The following WDR33 variants were observed in gnomAD, a reference collection of about 807,000 sequenced individuals.
The protein encoded by WDR33 is WD repeat domain 33.
WDR33 carries 47 observed loss-of-function variants against 164.9 expected under a neutral mutation model. The observed-to-expected ratio is 0.29, with a 90% CI of 0.23 to 0.36. The LOEUF (loss-of-function observed/expected upper bound fraction) is 0.36, where lower values mean the gene tolerates loss of function less well. Ranked by LOEUF, WDR33 falls within the 10% of genes least tolerant of loss-of-function variation. The pLI is 1.00. For synonymous variants in WDR33, 505 were observed against 589.0 expected (o/e 0.86, Z 2.06); for missense variants, 1,137 against 1,754.1 (o/e 0.65, Z 6.28).
In WDR33 at chr2:127,709,803, C is replaced by G; in HGVS notation, c.3362G>C (p.Arg1121Thr). Residue 1121 changes from arginine (R) to threonine (T), a missense_variant, in exon 19 of 22, where the codon AGG becomes ACG. Around this residue, in one of 9 missense-constraint regions of WDR33, gnomAD observed 867 missense variants for 1,073.0 expected, o/e 0.81. Transcript: ENST00000322313. The surrounding 1 kb of genome is among the most constrained non-coding windows in gnomAD (Gnocchi z 5.0). ...GTCTTCAGGACCAGGAAAACCATCCCTTCCTCTGGGGGGAGCACGGCCCTC... is the reference window on the plus strand; with the variant it reads ...GTCTTCAGGACCAGGAAAACCATCCGTTCCTCTGGGGGGAGCACGGCCCTC... ...RHEGRAPPRG[R>T]DGFPGPEDFG... is the part of the protein sequence containing the mutation. 1.2e-6 allele frequency: 2 copies of G among 1,614,240 alleles called. No homozygotes were observed. Among genetic ancestry groups the G allele is most frequent in the South Asian group, 2.2e-5 (2 of 91,088 alleles).
At chr2:127,777,806 C>A (rs1688234296) in intron 1 of WDR33, among the ~76,000 whole-genome samples, 1 of 152,054 alleles carries the variant, frequency 6.6e-6, no homozygotes, top group Non-Finnish European at 1.5e-5. Flanking sequence ...AGAGACAGAT[C>A]TTGCTTTGTT....
At position 127,712,169 on chromosome 2, in the gene WDR33, C is replaced by T. The variant is rs541368898; in HGVS notation, c.3308+1414G>A. Among the ~76,000 whole-genome samples, 3 of 151,782 alleles carry T rather than the reference C, an allele frequency of 2.0e-5. No individual in the cohort carries two copies. Among genetic ancestry groups the T allele is most frequent in the African/African-American group, 7.3e-5 (3 of 41,330 alleles). ...CCTGCACTCTGGGGGGGCTGAAGAA[C>T]GTGGATCACTTGAGGTCAGGAGTTC... On this transcript the variant is annotated intron_variant, in intron 18 of 21. Transcript: ENST00000322313. The surrounding 1 kb of genome is among the most constrained non-coding windows in gnomAD (Gnocchi z 4.0).
intron 7 of WDR33, chr2:127,762,696 G>C (rs921984867): frequency 2.0e-6 from 2 of 1,022,898 alleles, no homozygotes; most frequent in Admixed American, 5.3e-5. Context: ...ATTGTAAAAG[G>C]ACTGCCAGGA....
In WDR33 at chr2:127,702,135, C is replaced by T; in HGVS notation, c.*4188G>A. The T allele has an allele frequency of 1.6e-6, 2 of 1,216,274 alleles. No homozygotes were observed. Among genetic ancestry groups the T allele is most frequent in the Non-Finnish European group, 2.0e-6 (2 of 978,782 alleles). 75.3% of individuals were successfully genotyped at this position (1,216,274 alleles called of 1,614,324 possible). ...CGCGCTGCGCCTCGCACTGGGTCGC[C>T]TGGGCCGCGGCGCCGGCCTCGCCAA... is the stretch of plus-strand genomic sequence containing the variant. On this transcript the variant is annotated 3_prime_UTR_variant, in exon 22 of 22. Transcript: ENST00000322313.
chr2:127,712,994 C>A lies in WDR33; in HGVS notation c.3308+589G>T, dbSNP rs543797139. ...CTGTTCTTCAATTCCTGGCCTCAAG[C>A]GATCCTCCTGCCTCAGCCACCCAAA... On this transcript the variant is annotated intron_variant, in intron 18 of 21. Transcript: ENST00000322313. The surrounding 1 kb of genome is among the most constrained non-coding windows in gnomAD (Gnocchi z 4.0). Among the ~76,000 whole-genome samples the A allele has an allele frequency of 3.9e-5, 6 of 152,264 alleles. No homozygotes were observed. The East Asian group carries it at 1.2e-3, about 29-fold the overall frequency.
chr2:127,731,692 T>G (rs1321644929), intron 7 of WDR33, among the ~76,000 whole-genome samples: 3 of 152,320 alleles, frequency 2.0e-5, no homozygotes, highest in East Asian at 1.9e-4. Context: ...AGGACCTTTT[T>G]GGGGGTTTTG....
chr2:127,734,574 T>G (rs115244368), intron 7 of WDR33, among the ~76,000 whole-genome samples: 2 of 152,210 alleles, frequency 1.3e-5, no homozygotes, highest in African/African-American at 4.8e-5. Context: ...TTATGTACTC[T>G]TCCACTTCCA....
At position 127,756,215 on chromosome 2, in the gene WDR33, T is replaced by C. The variant is rs577505669; in HGVS notation, c.724+6847A>G. ...TGGGTCTTGTGGTGCATGCCTGTAG[T>C]CCCAGCTACTCAGGAGGCTGAGACA... is the stretch of plus-strand genomic sequence containing the variant. On this transcript the variant is annotated intron_variant, in intron 7 of 21. Transcript: ENST00000322313. Among the ~76,000 whole-genome samples, 9 of 151,734 alleles carry C rather than the reference T, an allele frequency of 5.9e-5. No individual in the cohort carries two copies. In the South Asian group the frequency reaches 1.9e-3, roughly 32 times the overall value.
In WDR33 at chr2:127,709,684, C is replaced by T. The variant is rs759459906; in HGVS notation, c.3472+9G>A. 6 of 1,614,222 alleles carry T rather than the reference C, an allele frequency of 3.7e-6. No homozygotes were observed. The highest frequency in any genetic ancestry group is 5.1e-6 in the Non-Finnish European group (6 of 1,180,030). On this transcript the variant is annotated intron_variant, in intron 19 of 21. Coordinates refer to ENST00000322313, the MANE Select transcript of WDR33 (RefSeq NM_018383.5). This position sits in a 1 kb window ranked among gnomAD's most constrained non-coding sequence, Gnocchi z 5.0. The stretch of plus-strand genomic sequence containing the variant: ...CTTCCAGACCAGGTGTCTTTAGTAA[C>T]TCGCTCACCTCGTGGGGTACCCCGA...
chr2:127,762,992 T>G (rs975186454), intron 7 of WDR33, 70 bp downstream of exon 7: 1 of 1,608,554 alleles, frequency 6.2e-7, no homozygotes, highest in African/African-American at 1.3e-5. Flanking sequence ...AGTATTGTGG[T>G]TTTGTGATGA....
intron 1 of WDR33, among the ~76,000 whole-genome samples, chr2:127,781,942 G>C (rs956750932): frequency 2.1e-5 from 3 of 145,900 alleles, no homozygotes; most frequent in African/African-American, 7.7e-5. Flanking sequence ...AGGTTGCGGT[G>C]AGCCAAGATT....
chr2:127,771,609 C>A (rs574625174), intron 1 of WDR33, among the ~76,000 whole-genome samples: 1 of 152,040 alleles, frequency 6.6e-6, no homozygotes. Context: ...AGATTCCCAT[C>A]TCTACAAAAA....
Position 127,721,399 on chromosome 2 carries a change from C to T in WDR33, c.1671+437G>A, listed in dbSNP as rs1024093650. Among the ~76,000 whole-genome samples, 1 of 152,120 alleles carries T rather than the reference C, an allele frequency of 6.6e-6. No homozygotes were observed. The highest frequency in any genetic ancestry group is 1.5e-5 in the Non-Finnish European group (1 of 68,020). On this transcript the variant is annotated intron_variant, in intron 15 of 21. Coordinates refer to ENST00000322313, the MANE Select transcript of WDR33 (RefSeq NM_018383.5). The surrounding 1 kb of genome is among the most constrained non-coding windows in gnomAD (Gnocchi z 4.9). ...CTGGGATTACAGGTGTAAGCCACCA[C>T]GCCTGACCCTAATTGGGTTTTAAAA...
chr2:127,719,234 A>T lies in WDR33; in HGVS notation c.2760+31T>A. 3 of 1,393,980 alleles carry T rather than the reference A, an allele frequency of 2.2e-6. No homozygotes were observed. The highest frequency in any genetic ancestry group is 2.8e-6 in the Non-Finnish European group (3 of 1,074,884). The allele number at this position is 1,393,980 out of a possible 1,614,324, so 86.4% of individuals were successfully genotyped here. ...ACTTCTGTGCAGAGTGTATTTTCCC[A>T]ATGTGCCCGTGAGTTGGAAATGAAT... is the stretch of plus-strand genomic sequence containing the variant. On this transcript the variant is annotated intron_variant, in intron 16 of 21. Transcript: ENST00000322313. This position sits in a 1 kb window ranked among gnomAD's most constrained non-coding sequence, Gnocchi z 6.5.
intron 7 of WDR33, among the ~76,000 whole-genome samples, chr2:127,742,540 A>G (rs77693033): frequency 8.8e-5 from 13 of 147,038 alleles, no homozygotes; most frequent in South Asian, 2.2e-4. Flanking sequence ...AAAAAAAAAA[A>G]GGGAAGAAAA....
intron 8 of WDR33, among the ~76,000 whole-genome samples, chr2:127,725,735 A>AAATAATAATAAT (rs56352036): frequency 1.4e-5 from 2 of 141,104 alleles, no homozygotes; most frequent in Non-Finnish European, 1.5e-5. Flanking sequence ...CTCTGTCTCA[A>AAATAATAATAAT]AATAATAATA....
intron 4 of WDR33, among the ~76,000 whole-genome samples, chr2:127,766,989 C>T (rs1687843529): frequency 6.6e-6 from 1 of 152,160 alleles, no homozygotes; most frequent in Non-Finnish European, 1.5e-5. Flanking sequence ...AAACTCCCGA[C>T]CGCAGGTGAT....
At chr2:127,766,785 T>C (rs942968074) in intron 4 of WDR33, among the ~76,000 whole-genome samples, 4 of 152,146 alleles carry the variant, frequency 2.6e-5, no homozygotes, top group African/African-American at 4.8e-5. Context: ...TTTTTTTTTT[T>C]TGAAACAGAG....
At position 127,720,304 on chromosome 2, in the gene WDR33, G is replaced by A. The variant is rs114352107; in HGVS notation, c.1721C>T (p.Pro574Leu). Residue 574 changes from proline (P) to leucine (L), a missense_variant, in exon 16 of 22, where the codon CCT (proline) becomes CTT (leucine). By Grantham distance (98) the Pro-to-Leu change is moderately conservative (BLOSUM62 -3). Around this residue, in one of 9 missense-constraint regions of WDR33, gnomAD observed 867 missense variants for 1,073.0 expected, o/e 0.81. Transcript: ENST00000322313. The surrounding 1 kb of genome is among the most constrained non-coding windows in gnomAD (Gnocchi z 5.9). ...GAGAGGGGTGCCAGATGAGGGAGGA[G>A]GCTGAATTTGCTCAACTTGTTTCTG... is the stretch of plus-strand genomic sequence containing the variant. ...LAQKQVEQIQ[P>L]PPSSGTPLLG... The A allele has an allele frequency of 4.0e-5, 60 of 1,514,934 alleles. No homozygotes were observed. In the African/African-American group the frequency reaches 7.4e-4, roughly 19 times the overall value. 93.8% of individuals were successfully genotyped at this position (1,514,934 alleles called of 1,614,324 possible). A position where few individuals can be genotyped will look rare whatever the true frequency, so the allele number is the denominator to read the frequency against.
Sources: gnomAD v4.1 joint callset for allele counts (sites outside exome capture counted in the v4.1 genomes callset) on GRCh38, gnomAD v4.1.1 for gene constraint, gnomAD v4.1.1 regional missense constraint, Gnocchi (gnomAD v3.1) non-coding constraint, MANE v1.5 for transcripts, NCBI Gene and HGNC (gene_info 2026-07-23, HGNC 2026-07-21) for gene names.